The following SIAH3 variants were observed in gnomAD, a reference collection of about 807,000 sequenced individuals.
SIAH3 encodes siah E3 ubiquitin protein ligase family member 3.
Under a neutral mutation model 12.6 loss-of-function variants are expected in SIAH3, and 9 were observed. The ratio of observed to expected loss-of-function variants is 0.72; its 90% CI spans 0.43 to 1.25. The LOEUF is 1.25. Ranked by LOEUF, SIAH3 falls within the 50% of genes most tolerant of loss-of-function variation. SIAH3 has a pLI of 0.00. For missense variants in SIAH3, 390 were observed against 365.4 expected (o/e 1.07, Z -0.55); for synonymous variants, 154 against 151.1 (o/e 1.02, Z -0.14).
intron 1 of SIAH3, among the ~76,000 whole-genome samples, chr13:45,832,462 T>A (rs1018554766): frequency 6.6e-6 from 1 of 152,216 alleles, no homozygotes; most frequent in Non-Finnish European, 1.5e-5. Context: ...TCCTTTTGGG[T>A]CTGGCTTATT....
chr13:45,783,653 G>A lies in SIAH3; in HGVS notation c.540C>T (p.His180=), dbSNP rs781063132. The A allele has an allele frequency of 7.4e-6, 12 of 1,614,004 alleles. No homozygotes were observed. The highest frequency in any genetic ancestry group is 1.0e-5 in the Non-Finnish European group (12 of 1,180,008). ...VLRKQERHEG[H]PQFFATMMLI... is the part of the protein sequence containing the mutation. ...GCATCATGGTGGCAAAGAACTGGGG[G>A]TGCCCTTCATGCCTCTCCTGTTTCC... The change falls in exon 2 of 2, where the codon CAC becomes CAT. Residue 180 remains histidine, a synonymous_variant. Transcript: ENST00000400405.
intron 1 of SIAH3, among the ~76,000 whole-genome samples, chr13:45,802,496 G>C (rs1950585762): frequency 6.6e-6 from 1 of 152,072 alleles, no homozygotes; most frequent in African/African-American, 2.4e-5. Flanking sequence ...GAGCAGAAAG[G>C]ATAATGGGAA....
At position 45,783,192 on chromosome 13, in the gene SIAH3, C is replaced by T; in HGVS notation, c.*191G>A. The T allele has an allele frequency of 2.8e-6, 1 of 363,382 alleles. No homozygotes were observed. Among genetic ancestry groups the T allele is most frequent in the Non-Finnish European group, 4.8e-6 (1 of 209,478 alleles). The allele number at this position is 363,382 out of a possible 1,614,324, so 22.5% of individuals were successfully genotyped here. A position where few individuals can be genotyped will look rare whatever the true frequency, so the allele number is the denominator to read the frequency against. On this transcript the variant is annotated 3_prime_UTR_variant, in exon 2 of 2. Transcript: ENST00000400405. ...AAGATCTTAAATTACAGGATGTTTA[C>T]ATAATATAATGCCCATGGCAGACAA...
At chr13:45,838,534 G>C (rs534717365) in intron 1 of SIAH3, among the ~76,000 whole-genome samples, 93 of 152,200 alleles carry the variant, frequency 6.1e-4, no homozygotes, top group African/African-American at 2.2e-3. Flanking sequence ...TGCAGTGCCA[G>C]CGCCTGCCCC....
At chr13:45,826,413 A>C (rs796111548) in intron 1 of SIAH3, among the ~76,000 whole-genome samples, 121 of 11,900 alleles carry the variant, frequency 0.01, 15 homozygotes, top group Middle Eastern at 0.042. Flanking sequence ...GGATGGATGG[A>C]TGGATGGATG....
chr13:45,813,924 T>C (rs144944734), intron 1 of SIAH3, among the ~76,000 whole-genome samples: 16 of 152,032 alleles, frequency 1.1e-4, no homozygotes, highest in African/African-American at 3.6e-4. Flanking sequence ...TTTCAATATA[T>C]GAATCTTGGG....
At chr13:45,842,049 A>G (rs1164736462) in intron 1 of SIAH3, among the ~76,000 whole-genome samples, 1 of 152,194 alleles carries the variant, frequency 6.6e-6, no homozygotes, top group African/African-American at 2.4e-5. Flanking sequence ...CTTGAGCCAC[A>G]TTTGTTAGAC....
At chr13:45,819,041 G>A (rs1950645426) in intron 1 of SIAH3, among the ~76,000 whole-genome samples, 1 of 152,136 alleles carries the variant, frequency 6.6e-6, no homozygotes, top group Non-Finnish European at 1.5e-5. Flanking sequence ...CAGGGTGCTG[G>A]CTAAATGCTG....
chr13:45,832,509 G>A (rs1016826581), intron 1 of SIAH3, among the ~76,000 whole-genome samples: 2 of 152,190 alleles, frequency 1.3e-5, no homozygotes, highest in African/African-American at 2.4e-5. Flanking sequence ...TACTCATGTA[G>A]GATGTCAGAA....
intron 1 of SIAH3, among the ~76,000 whole-genome samples, chr13:45,803,456 T>C (rs906325829): frequency 6.6e-6 from 1 of 152,150 alleles, no homozygotes; most frequent in Non-Finnish European, 1.5e-5. Context: ...CCCAGGGAGC[T>C]GTGGGAACAC....
At chr13:45,817,171 T>C (rs577252357) in intron 1 of SIAH3, among the ~76,000 whole-genome samples, 5 of 152,378 alleles carry the variant, frequency 3.3e-5, no homozygotes, top group Non-Finnish European at 5.9e-5. Context: ...TTAGGCCATA[T>C]ACAATGGTCA....
At chr13:45,849,759 C>T (rs1005301451) in intron 1 of SIAH3, among the ~76,000 whole-genome samples, 3 of 152,206 alleles carry the variant, frequency 2.0e-5, no homozygotes, top group African/African-American at 7.2e-5. Flanking sequence ...CCTCTCTATT[C>T]TCCATCATCA....
At chr13:45,815,232 T>C (rs1950630160) in intron 1 of SIAH3, among the ~76,000 whole-genome samples, 1 of 152,040 alleles carries the variant, frequency 6.6e-6, no homozygotes, top group Non-Finnish European at 1.5e-5. Context: ...CTAGGCTAAA[T>C]GTTACTATGA....
At chr13:45,812,854 A>G (rs1950620715) in intron 1 of SIAH3, among the ~76,000 whole-genome samples, 1 of 152,224 alleles carries the variant, frequency 6.6e-6, no homozygotes, top group South Asian at 2.1e-4. Context: ...AGTTAGGACA[A>G]TTGGAGAAAG....
chr13:45,786,446 C>T (rs911054755), intron 1 of SIAH3, among the ~76,000 whole-genome samples: 10 of 152,174 alleles, frequency 6.6e-5, no homozygotes, highest in Admixed American at 1.3e-4. Context: ...AGGGCTGCAG[C>T]TGGGAATGGG....
chr13:45,797,357 G>A (rs1213407610), intron 1 of SIAH3, among the ~76,000 whole-genome samples: 3 of 152,088 alleles, frequency 2.0e-5, no homozygotes, highest in Non-Finnish European at 4.4e-5. Context: ...TGCCGCTTGG[G>A]TGACCTCTAG....
intron 1 of SIAH3, among the ~76,000 whole-genome samples, chr13:45,831,901 G>A (rs1381085067): frequency 6.6e-6 from 1 of 152,228 alleles, no homozygotes; most frequent in Non-Finnish European, 1.5e-5. Context: ...GCTAAGCTGC[G>A]TATTCTGGAG....
intron 1 of SIAH3, among the ~76,000 whole-genome samples, chr13:45,802,719 C>T (rs758410117): frequency 9.2e-5 from 14 of 152,148 alleles, no homozygotes; most frequent in Non-Finnish European, 1.8e-4. Flanking sequence ...CGGCAGGTTG[C>T]CATCCCAAAT....
chr13:45,850,381 G>C (rs1401328652), intron 1 of SIAH3, among the ~76,000 whole-genome samples: 1 of 152,184 alleles, frequency 6.6e-6, no homozygotes, highest in South Asian at 2.1e-4. Flanking sequence ...CCCAACAGCA[G>C]TGGTCAGAGG....
Sources: allele counts gnomAD v4.1 joint callset (sites outside exome capture counted in the v4.1 genomes callset), GRCh38; gene constraint gnomAD v4.1.1; transcripts MANE v1.5; gene names NCBI Gene and HGNC (gene_info 2026-07-23, HGNC 2026-07-21).